The following ZNF132 variants were observed in gnomAD, a reference collection of about 807,000 sequenced individuals.
ZNF132 encodes zinc finger protein 132, also known as zinc finger protein 132 (clone pHZ-12).
In ZNF132, 6 loss-of-function variants were observed where a neutral mutation model predicts 9.3. The observed-to-expected ratio is 0.65, with a 90% CI of 0.35 to 1.28. The LOEUF (loss-of-function observed/expected upper bound fraction) is 1.28, where lower values mean the gene tolerates loss of function less well. Among genes scored for constraint, ZNF132 ranks in the 50% most tolerant of loss-of-function variants. The pLI is 0.03. For synonymous variants in ZNF132, 296 were observed against 292.0 expected, an observed-to-expected ratio of 1.01 and a Z score of -0.14; for missense variants, 877 against 843.2, an observed-to-expected ratio of 1.04 and a Z score of -0.50.
At chr19:58,439,454 C>T (rs952594448) in intron 1 of ZNF132, among the ~76,000 whole-genome samples, 7 of 152,214 alleles carry the variant, frequency 4.6e-5, no homozygotes, top group Admixed American at 1.3e-4. Flanking sequence ...AAATGGAGAC[C>T]GGCAGTCCCC....
chr19:58,434,931 T>C lies in ZNF132; in HGVS notation c.513A>G (p.Arg171=). Residue 171 remains arginine (R), a synonymous_variant, in exon 3 of 3, where the codon AGA becomes AGG. Transcript: ENST00000254166. The part of the protein sequence containing the change: ...QKEHSGGKPF[R]WYKDRDALMK... ...TAAGTGCGTCCCTGTCCTTGTACCA[T>C]CTAAAGGGCTTCCCTCCACTGTGCT... 6.2e-7 allele frequency: 1 copy of C among 1,614,162 alleles called. No homozygotes were observed. Among genetic ancestry groups the C allele is most frequent in the Non-Finnish European group, 8.5e-7 (1 of 1,180,026 alleles).
intron 2 of ZNF132, chr19:58,436,315 C>T (rs958780491): frequency 3.9e-5 from 6 of 154,392 alleles, no homozygotes; most frequent in Non-Finnish European, 8.7e-5. Context: ...AATCACTAGA[C>T]TGTGTACTTT....
At position 58,434,550 on chromosome 19, in the gene ZNF132, C is replaced by G; in HGVS notation, c.894G>C (p.Lys298Asn). 1 of 1,614,140 alleles carries G rather than the reference C, an allele frequency of 6.2e-7. No homozygotes were observed. Among genetic ancestry groups the G allele is most frequent in the Non-Finnish European group, 8.5e-7 (1 of 1,180,030 alleles). ...EIPHVCKECGKAFSHSSKLRK... is the reference protein window; with the variant it reads ...EIPHVCKECGNAFSHSSKLRK... ...TCAGCTTAGATGAGTGACTAAAGGC[C>G]TTCCCACACTCCTTACACACATGGG... The change falls in exon 3 of 3, where the codon AAG becomes AAC. Residue 298 changes from lysine to asparagine, a missense_variant. Coordinates refer to ENST00000254166, the MANE Select transcript of ZNF132 (RefSeq NM_003433.4).
At position 58,436,169 on chromosome 19, in the gene ZNF132, G is replaced by A. The variant is rs187199114; in HGVS notation, c.232+878C>T. The A allele has an allele frequency of 6.8e-3, 1,039 of 152,186 alleles. 3 individuals are homozygous for A. The highest frequency in any genetic ancestry group is 8.1e-3 in the Non-Finnish European group (553 of 68,184). 9.4% of individuals were successfully genotyped at this position (152,186 alleles called of 1,614,324 possible). ...AGTAGATTAGTGGTTGCCTAGGACC[G>A]GGGGGAAAGGGATAAGGGAACATGG... On this transcript the variant is annotated intron_variant, in intron 2 of 2. Transcript: ENST00000254166.
chr19:58,434,189 TGA>T lies in ZNF132; in HGVS notation c.1253_1254del (p.Leu418HisfsTer14), dbSNP rs2052759398. 6.2e-7 allele frequency: 1 copy of T among 1,614,206 alleles called. No individual in the cohort carries two copies. The highest frequency in any genetic ancestry group is 8.5e-7 in the Non-Finnish European group (1 of 1,180,040). On this transcript the variant is annotated frameshift_variant, in exon 3 of 3. Coordinates refer to ENST00000254166, the MANE Select transcript of ZNF132 (RefSeq NM_003433.4). LOFTEE classifies it low-confidence loss of function (END_TRUNC). ...CCAGTGTGAACTCTCCAGTGCTGAATGAGAGCAGAGCTTCGGCTGAAGGATTT... is the reference window on the plus strand; with the variant it reads ...CCAGTGTGAACTCTCCAGTGCTGAATGAGCAGAGCTTCGGCTGAAGGATTT... The part of the protein sequence containing the change: ...CGKSFSRSSA[L>X]IQHWRVHTGE...
rs1201863024 is a variant in ZNF132 at position 58,437,212 on chromosome 19, T to C, written c.67A>G (p.Thr23Ala). The change falls in exon 2 of 3, where the codon ACT (threonine) becomes GCT (alanine). Residue 23 changes from threonine (T) to alanine (A), a missense_variant. By Grantham distance (58) the Thr-to-Ala change is moderately conservative (BLOSUM62 0). Coordinates refer to ENST00000254166, the MANE Select transcript of ZNF132 (RefSeq NM_003433.4). ...ACAGCTGAGCCACAGGGCCAAGAAG[T>C]ATGCTGACAAAGAAACAAACAATTG... ...PALLMGPAQH[T>A]SWPCGSAVPT... The C allele has an allele frequency of 3.1e-6, 5 of 1,587,762 alleles. No individual in the cohort carries two copies. The highest frequency in any genetic ancestry group is 1.8e-5 in the Admixed American group (1 of 54,804).
In ZNF132 at chr19:58,433,413, G is replaced by A; in HGVS notation, c.2031C>T (p.His677=). The change falls in exon 3 of 3, where the codon CAC becomes CAT. Residue 677 remains histidine, a synonymous_variant. Coordinates refer to ENST00000254166, the MANE Select transcript of ZNF132 (RefSeq NM_003433.4). ...TACACTCATAAGTCCTTTCTCTGGT[G>A]TGAACTTTCTGGTGCCGAACAAGTG... is the stretch of plus-strand genomic sequence containing the variant. ...RSTLVRHQKV[H]TRERTYECSQ... The A allele has an allele frequency of 1.2e-6, 2 of 1,614,196 alleles. No individual in the cohort carries two copies. Among genetic ancestry groups the A allele is most frequent in the Non-Finnish European group, 1.7e-6 (2 of 1,180,024 alleles).
At chr19:58,439,110 C>T (rs1215484086) in intron 1 of ZNF132, among the ~76,000 whole-genome samples, 2 of 152,144 alleles carry the variant, frequency 1.3e-5, no homozygotes, top group African/African-American at 2.4e-5. Flanking sequence ...CTTTCACTGT[C>T]CCACATCAGG....
rs749541977 is a variant in ZNF132 at position 58,433,083 on chromosome 19, A to G, written c.*240T>C. ...TACTGTTTTCCCCATGCATGAGGAC[A>G]GGACTGCTGCAAATTTTTGGATCCA... On this transcript the variant is annotated 3_prime_UTR_variant, in exon 3 of 3. Transcript: ENST00000254166. 14 of 478,252 alleles carry G rather than the reference A, an allele frequency of 2.9e-5. No homozygotes were observed. The highest frequency in any genetic ancestry group is 4.5e-5 in the Non-Finnish European group (12 of 265,932). The allele number at this position is 478,252 out of a possible 1,614,324, so 29.6% of individuals were successfully genotyped here. A position where few individuals can be genotyped will look rare whatever the true frequency, so the allele number is the denominator to read the frequency against.
intron 2 of ZNF132, among the ~76,000 whole-genome samples, chr19:58,436,482 T>C (rs2052773247): frequency 6.6e-6 from 1 of 151,786 alleles, no homozygotes; most frequent in Non-Finnish European, 1.5e-5. Flanking sequence ...CTGGCTAACA[T>C]GGTGAAACCC....
Position 58,434,236 on chromosome 19 carries a change from T to C in ZNF132, c.1208A>G (p.Tyr403Cys). 3 of 1,613,830 alleles carry C rather than the reference T, an allele frequency of 1.9e-6. No homozygotes were observed. The highest frequency in any genetic ancestry group is 2.5e-6 in the Non-Finnish European group (3 of 1,179,960). Residue 403 changes from tyrosine to cysteine, a missense_variant, in exon 3 of 3, where the codon TAT (tyrosine) becomes TGT (cysteine). Transcript: ENST00000254166. ...HQKVHTQVRPYECSQCGKSFS... is the reference protein window; with the variant it reads ...HQKVHTQVRPCECSQCGKSFS... Reference sequence around the variant, plus strand: ...GGATTTACCACATTGACTGCACTCATAAGGTCTTACCTGTGTGTGAACTTT... The same window carrying C: ...GGATTTACCACATTGACTGCACTCACAAGGTCTTACCTGTGTGTGAACTTT...
chr19:58,439,071 G>C (rs1417584392), intron 1 of ZNF132, among the ~76,000 whole-genome samples: 1 of 152,204 alleles, frequency 6.6e-6, no homozygotes, highest in Non-Finnish European at 1.5e-5. Context: ...ACTGCACTCA[G>C]CCTTAGGTCA....
chr19:58,440,087 G>C lies in ZNF132; in HGVS notation c.-266C>G. ...GGTGACGGTCCCTGCACCCACTCCC[G>C]TGCCCTGGTGTGGCTCCAGAGGCCT... is the stretch of plus-strand genomic sequence containing the variant. On this transcript the variant is annotated 5_prime_UTR_variant, in exon 1 of 3. Coordinates refer to ENST00000254166, the MANE Select transcript of ZNF132 (RefSeq NM_003433.4). 2.1e-6 allele frequency: 1 copy of C among 487,182 alleles called. No homozygotes were observed. The highest frequency in any genetic ancestry group is 2.7e-5 in the South Asian group (1 of 37,014). The allele number at this position is 487,182 out of a possible 1,614,324, so 30.2% of individuals were successfully genotyped here. A position where few individuals can be genotyped will look rare whatever the true frequency, so the allele number is the denominator to read the frequency against.
chr19:58,435,761 C>A (rs74830735), intron 2 of ZNF132: 68 of 153,058 alleles, frequency 4.4e-4, no homozygotes, highest in Non-Finnish European at 8.3e-4. Flanking sequence ...GTGTACAGGA[C>A]TGTTCATAGC....
rs1230686721 is a variant in ZNF132 at position 58,433,618 on chromosome 19, C to A, written c.1826G>T (p.Ser609Ile). 6.2e-7 allele frequency: 1 copy of A among 1,614,152 alleles called. No homozygotes were observed. Among genetic ancestry groups the A allele is most frequent in the Admixed American group, 1.7e-5 (1 of 60,026 alleles). ...YKCSECGKFF[S>I]RKSSLICHWR... ...GTGACAAATAAGGCTGGATTTTCGG[C>A]TAAAGAATTTCCCACATTCACTGCA... is the stretch of plus-strand genomic sequence containing the variant. The change falls in exon 3 of 3, where the codon AGC (serine) becomes ATC (isoleucine). Residue 609 changes from serine (S) to isoleucine (I), a missense_variant. By Grantham distance (142) the Ser-to-Ile change is moderately radical. Coordinates refer to ENST00000254166, the MANE Select transcript of ZNF132 (RefSeq NM_003433.4).
rs766670597 is a variant in ZNF132, at chr19:58,434,133, T to A, written c.1311A>T (p.Gly437=). ...GGTTGGAGTTATTGTTAAAAGCTCTTCCACATTCACTGCATTCATACGGTC... is the reference window on the plus strand; with the variant it reads ...GGTTGGAGTTATTGTTAAAAGCTCTACCACATTCACTGCATTCATACGGTC... ...GERPYECSEC[G]RAFNNNSNLA... The change falls in exon 3 of 3, where the codon GGA becomes GGT. Residue 437 remains glycine, a synonymous_variant. Transcript: ENST00000254166. The A allele has an allele frequency of 1.2e-6, 2 of 1,612,288 alleles. No homozygotes were observed. Among genetic ancestry groups the A allele is most frequent in the Admixed American group, 3.3e-5 (2 of 59,868 alleles).
In ZNF132 at chr19:58,433,997, C is replaced by T; in HGVS notation, c.1447G>A (p.Gly483Arg). 2 of 1,614,194 alleles carry T rather than the reference C, an allele frequency of 1.2e-6. No homozygotes were observed. The highest frequency in any genetic ancestry group is 1.7e-5 in the Admixed American group (1 of 60,020). Residue 483 changes from glycine to arginine, a missense_variant, in exon 3 of 3, where the codon GGA (glycine) becomes AGA (arginine). Coordinates refer to ENST00000254166, the MANE Select transcript of ZNF132 (RefSeq NM_003433.4). ...TCACAGCATTCAAAAGGCCGTTCTC[C>T]AGTGTGAACTTTCTGATGTCGAAGG... is the stretch of plus-strand genomic sequence containing the variant. Reference protein sequence around the residue: ...HLLRHQKVHTGERPFECCDCG... With the variant: ...HLLRHQKVHTRERPFECCDCG...
intron 1 of ZNF132, among the ~76,000 whole-genome samples, chr19:58,438,930 C>T (rs942372037): frequency 1.2e-4 from 18 of 152,014 alleles, no homozygotes; most frequent in Non-Finnish European, 1.5e-4. Flanking sequence ...ACTACCATGT[C>T]CTGGCTAATT....
chr19:58,434,249 G>C lies in ZNF132; in HGVS notation c.1195C>G (p.Gln399Glu). The C allele has an allele frequency of 6.2e-7, 1 of 1,613,342 alleles. No homozygotes were observed. The highest frequency in any genetic ancestry group is 8.5e-7 in the Non-Finnish European group (1 of 1,179,892). ...NFLRHQKVHTQVRPYECSQCG... is the reference protein window; with the variant it reads ...NFLRHQKVHTEVRPYECSQCG... Reference sequence around the variant, plus strand: ...TGACTGCACTCATAAGGTCTTACCTGTGTGTGAACTTTCTGATGCCGAAGG... The same window carrying C: ...TGACTGCACTCATAAGGTCTTACCTCTGTGTGAACTTTCTGATGCCGAAGG... The change falls in exon 3 of 3, where the codon CAG becomes GAG. Residue 399 changes from glutamine (Q) to glutamate (E), a missense_variant. Physicochemically the swap from Gln to Glu is conservative, Grantham distance 29. Transcript: ENST00000254166.
Sources: allele counts gnomAD v4.1 joint callset (sites outside exome capture counted in the v4.1 genomes callset), GRCh38; gene constraint gnomAD v4.1.1; transcripts MANE v1.5; gene names NCBI Gene and HGNC (gene_info 2026-07-23, HGNC 2026-07-21).